The following USP39 variants were observed in gnomAD, a reference collection of about 807,000 sequenced individuals.
USP39 encodes ubiquitin carboxyl-terminal hydrolase 39.
A neutral mutation model predicts 66.4 loss-of-function variants in USP39; 38 were observed. The ratio of observed to expected loss-of-function variants is 0.57; its 90% CI spans 0.44 to 0.75. The LOEUF (loss-of-function observed/expected upper bound fraction) is 0.75, where lower values mean the gene tolerates loss of function less well. USP39 is among the 30% of genes least tolerant of loss of function. USP39 has a pLI of 0.00. For synonymous variants in USP39, 303 were observed against 274.6 expected (o/e 1.10, Z -1.02); for missense variants, 608 against 714.4 (o/e 0.85, Z 1.70).
At chr2:85,623,130 G>C (rs1179515420) in intron 3 of USP39, among the ~76,000 whole-genome samples, 1 of 152,136 alleles carries the variant, frequency 6.6e-6, no homozygotes, top group Admixed American at 6.6e-5. Context: ...GGTTAAGGGA[G>C]AGAGATTCTA....
At chr2:85,611,193 G>C, upstream of USP39, 3 of 1,111,726 alleles carry the variant, frequency 2.7e-6, no homozygotes, top group South Asian at 5.9e-5. Context: ...GGGCGACAGA[G>C]ACCTAGTCTC....
chr2:85,640,291 CTTT>C (rs763669112), intron 9 of USP39, among the ~76,000 whole-genome samples: 1 of 141,874 alleles, frequency 7.0e-6, no homozygotes. Context: ...GGGAGACATA[CTTT>C]TTTTTTTTTT....
intron 6 of USP39, among the ~76,000 whole-genome samples, chr2:85,634,677 T>C (rs548991723): frequency 1.3e-5 from 2 of 152,346 alleles, no homozygotes; most frequent in African/African-American, 4.8e-5. Flanking sequence ...CTAGGTTATC[T>C]TGTGTTTATA....
In USP39 at chr2:85,648,064, G is replaced by T. The variant is rs376566659; in HGVS notation, c.1650+48G>T. 6 of 1,597,362 alleles carry T rather than the reference G, an allele frequency of 3.8e-6. No individual in the cohort carries two copies. In the African/African-American group the frequency reaches 5.4e-5, roughly 14 times the overall value. On this transcript the variant is annotated intron_variant, in intron 12 of 12. Coordinates refer to ENST00000323701, the MANE Select transcript of USP39 (RefSeq NM_006590.4). ...GAGCCACAAATAGGTGGCGTATGGG[G>T]CCAGTGAGAGGAGTGGGCCAAGGCA... is the stretch of plus-strand genomic sequence containing the variant.
chr2:85,637,482 G>A (rs1189530054), intron 8 of USP39, 46 bp downstream of exon 8: 5 of 1,588,874 alleles, frequency 3.1e-6, no homozygotes, highest in Non-Finnish European at 4.3e-6. Context: ...TATTGCTTGA[G>A]GGGACGTAGG....
chr2:85,619,148 T>C (rs1029731493), intron 1 of USP39, 72 bp from the exon 2 acceptor site: 5 of 1,524,818 alleles, frequency 3.3e-6, no homozygotes, highest in Non-Finnish European at 4.5e-6. Flanking sequence ...TTTCTGTTTC[T>C]TTTTTTGTTC....
At chr2:85,611,423 G>C (rs980060729), upstream of USP39, 6 of 1,513,720 alleles carry the variant, frequency 4.0e-6, no homozygotes, top group Non-Finnish European at 5.3e-6. Context: ...GGGGCAAACC[G>C]GCAGATAAAC....
At chr2:85,640,774 T>A (rs972774367) in intron 9 of USP39, among the ~76,000 whole-genome samples, 2 of 136,270 alleles carry the variant, frequency 1.5e-5, no homozygotes, top group African/African-American at 5.9e-5. Context: ...GGCCCGGCCT[T>A]TTTTTTTTTT....
chr2:85,636,204 A>G, intron 7 of USP39, 74 bp downstream of exon 7: 2 of 1,394,928 alleles, frequency 1.4e-6, no homozygotes, highest in East Asian at 2.3e-5. Context: ...GCAATGGCTC[A>G]TGCCTATAAT....
In USP39 at chr2:85,605,461, C is replaced by A. The variant is rs1169057865; in HGVS notation, n.226+2380C>A. On this transcript the variant is annotated intron_variant and non_coding_transcript_variant, in intron 1 of 12. Coordinates refer to the USP39 transcript ENST00000459775. ...TGAGAAGGCAGAGAAGCCCTTTACT[C>A]AGAAGGTCTTCAATTCTAGCATTAC... is the stretch of plus-strand genomic sequence containing the variant. Among the ~76,000 whole-genome samples, 4 of 152,204 alleles carry A rather than the reference C, an allele frequency of 2.6e-5. No homozygotes were observed. The East Asian group carries it at 7.7e-4, about 29-fold the overall frequency.
intron 6 of USP39, among the ~76,000 whole-genome samples, chr2:85,631,476 A>T (rs577199464): frequency 6.6e-6 from 1 of 152,014 alleles, no homozygotes; most frequent in South Asian, 2.1e-4. Context: ...CACTGTGCCC[A>T]GCTGCAGTGA....
At chr2:85,641,173 C>G in intron 10 of USP39, 55 bp downstream of exon 10, 5 of 1,600,430 alleles carry the variant, frequency 3.1e-6, no homozygotes, top group Non-Finnish European at 4.3e-6. Context: ...GATTTCTTCT[C>G]TTGTATTTTT....
At chr2:85,618,835 T>C (rs897561436) in intron 1 of USP39, among the ~76,000 whole-genome samples, 1 of 151,968 alleles carries the variant, frequency 6.6e-6, no homozygotes, top group Non-Finnish European at 1.5e-5. Context: ...AGCGGTACGA[T>C]CTCTGCTCAC....
chr2:85,620,950 A>G (rs1335811431), intron 2 of USP39, among the ~76,000 whole-genome samples: 1 of 148,240 alleles, frequency 6.7e-6, no homozygotes, highest in Non-Finnish European at 1.5e-5. Flanking sequence ...TCTTCAGGCT[A>G]TTTGTTTTTA....
intron 3 of USP39, among the ~76,000 whole-genome samples, chr2:85,623,061 T>C (rs925813942): frequency 1.3e-5 from 2 of 152,138 alleles, no homozygotes; most frequent in African/African-American, 4.8e-5. Flanking sequence ...GGAGTGTTTA[T>C]GTTGAGTTCA....
intron 6 of USP39, among the ~76,000 whole-genome samples, chr2:85,632,852 C>T (rs998238565): frequency 3.9e-5 from 6 of 152,012 alleles, no homozygotes; most frequent in Non-Finnish European, 7.4e-5. Flanking sequence ...GGAGGTAGAT[C>T]AGAGATCAGA....
chr2:85,611,462 G>C (rs960312953), upstream of USP39: 8 of 1,546,010 alleles, frequency 5.2e-6, no homozygotes, highest in Non-Finnish European at 7.0e-6. Context: ...TACTCTGACA[G>C]CGATGCTTAA....
chr2:85,608,179 A>C (rs950167552), upstream of USP39: 1 of 152,348 alleles, frequency 6.6e-6, no homozygotes, highest in East Asian at 1.9e-4. Flanking sequence ...TGCTGTAAGA[A>C]ATCTTTTCAG....
intron 1 of USP39, among the ~76,000 whole-genome samples, chr2:85,617,029 G>A (rs190412071): frequency 6.6e-6 from 1 of 151,016 alleles, no homozygotes; most frequent in East Asian, 2.0e-4. Context: ...CGTAACAACA[G>A]CAGCTTCCCT....
Sources: gnomAD v4.1 joint callset for allele counts (sites outside exome capture counted in the v4.1 genomes callset) on GRCh38, gnomAD v4.1.1 for gene constraint, MANE v1.5 for transcripts, NCBI Gene and HGNC (gene_info 2026-07-23, HGNC 2026-07-21) for gene names.